CHST8: variants seen among roughly 807,000 people sequenced by gnomAD.
The protein encoded by CHST8 is carbohydrate sulfotransferase 8.
In CHST8, 10 loss-of-function variants were observed where a neutral mutation model predicts 15.0. That is an observed-to-expected ratio of 0.67 (90% CI 0.41 to 1.13). CHST8 has a LOEUF of 1.13. Ranked by LOEUF, CHST8 falls within the 50% of genes most tolerant of loss-of-function variation. The pLI is 0.00. For synonymous variants in CHST8, 259 were observed against 256.6 expected, an observed-to-expected ratio of 1.01 and a Z score of -0.09; for missense variants, 634 against 608.2, an observed-to-expected ratio of 1.04 and a Z score of -0.45.
At chr19:33,682,778 G>T (rs1418460032) in intron 2 of CHST8, among the ~76,000 whole-genome samples, 1 of 152,210 alleles carries the variant, frequency 6.6e-6, no homozygotes, top group Non-Finnish European at 1.5e-5. Flanking sequence ...TTTTGGGGGG[G>T]TTCCTAGCAT....
At chr19:33,645,818 A>G (rs1034720530) in intron 1 of CHST8, among the ~76,000 whole-genome samples, 1 of 152,182 alleles carries the variant, frequency 6.6e-6, no homozygotes, top group African/African-American at 2.4e-5. Flanking sequence ...GAGCAGGAGT[A>G]TTACAGCAGA....
At chr19:33,755,885 C>T (rs1053461907) in intron 3 of CHST8, among the ~76,000 whole-genome samples, 14 of 152,206 alleles carry the variant, frequency 9.2e-5, no homozygotes, top group African/African-American at 1.9e-4. Context: ...GCAAAGCTGG[C>T]GGGTCTAATT....
intron 3 of CHST8, among the ~76,000 whole-genome samples, chr19:33,751,836 C>T (rs1356499870): frequency 1.3e-5 from 2 of 152,240 alleles, no homozygotes; most frequent in Admixed American, 1.3e-4. Flanking sequence ...GGGATCATTT[C>T]TCTGTCCAGC....
chr19:33,763,072 T>C (rs1974769151), intron 3 of CHST8, among the ~76,000 whole-genome samples: 1 of 152,180 alleles, frequency 6.6e-6, no homozygotes, highest in Non-Finnish European at 1.5e-5. Flanking sequence ...TTTCACCACG[T>C]TGGCCAAGTT....
At chr19:33,726,413 T>C (rs113299722) in intron 3 of CHST8, among the ~76,000 whole-genome samples, 13 of 152,026 alleles carry the variant, frequency 8.6e-5, no homozygotes, top group African/African-American at 3.1e-4. Flanking sequence ...ATACAAAAAT[T>C]AGCATGGTGG....
intron 3 of CHST8, among the ~76,000 whole-genome samples, chr19:33,746,899 A>G (rs1974324736): frequency 6.6e-6 from 1 of 152,102 alleles, no homozygotes; most frequent in Non-Finnish European, 1.5e-5. Context: ...TTGAGTTAGC[A>G]TCCTGCCAAG....
At chr19:33,730,629 CAAGTGAAAGA>C (rs1288318919) in intron 3 of CHST8, among the ~76,000 whole-genome samples, 1 of 152,150 alleles carries the variant, frequency 6.6e-6, no homozygotes, top group African/African-American at 2.4e-5. Context: ...GCGAATTCAT[CAAGTGAAAGA>C]AAGTGTATTA....
chr19:33,643,394 C>CA (rs1972308545), intron 1 of CHST8, among the ~76,000 whole-genome samples: 1 of 152,190 alleles, frequency 6.6e-6, no homozygotes, highest in African/African-American at 2.4e-5. Context: ...ACAAATCTAC[C>CA]AGTTCTCTGC....
chr19:33,764,315 C>A (rs1000027547), intron 3 of CHST8, among the ~76,000 whole-genome samples: 7 of 152,084 alleles, frequency 4.6e-5, no homozygotes, highest in Non-Finnish European at 2.9e-5. Flanking sequence ...TGTTTCTTCA[C>A]CTCCTTCAGG....
intron 3 of CHST8, among the ~76,000 whole-genome samples, chr19:33,748,058 G>A (rs1399617527): frequency 2.0e-5 from 3 of 152,284 alleles, no homozygotes; most frequent in South Asian, 4.1e-4. Flanking sequence ...TGTCCACAGA[G>A]CTGTCCCGTC....
At chr19:33,646,126 TC>T (rs1160509586) in intron 1 of CHST8, among the ~76,000 whole-genome samples, 162 of 2,956 alleles carry the variant, frequency 0.055, 3 homozygotes, top group Admixed American at 0.33. Context: ...AGACTCTGTC[TC>T]AAAAAAAAAC....
chr19:33,713,511 C>T (rs977511935), intron 3 of CHST8, among the ~76,000 whole-genome samples: 2 of 152,058 alleles, frequency 1.3e-5, no homozygotes, highest in African/African-American at 4.8e-5. Flanking sequence ...TCAGGCAAAA[C>T]CTGAGTATTC....
intron 3 of CHST8, among the ~76,000 whole-genome samples, chr19:33,767,901 G>A (rs920502241): frequency 6.6e-6 from 1 of 152,120 alleles, no homozygotes; most frequent in Non-Finnish European, 1.5e-5. Flanking sequence ...TTTTATTTGG[G>A]GGCTTGAGAG....
chr19:33,679,882 C>T (rs906582839), intron 2 of CHST8, among the ~76,000 whole-genome samples: 3 of 152,210 alleles, frequency 2.0e-5, no homozygotes, highest in Non-Finnish European at 4.4e-5. Context: ...TCCTCAACTC[C>T]ACGAGGGGCT....
At chr19:33,721,103 A>G (rs773216058) in intron 3 of CHST8, among the ~76,000 whole-genome samples, 1 of 152,224 alleles carries the variant, frequency 6.6e-6, no homozygotes, top group Non-Finnish European at 1.5e-5. Flanking sequence ...TCACAAGGGA[A>G]TCGTTCATTG....
At chr19:33,709,421 T>G (rs544851544) in intron 3 of CHST8, among the ~76,000 whole-genome samples, 1 of 152,342 alleles carries the variant, frequency 6.6e-6, no homozygotes, top group African/African-American at 2.4e-5. Context: ...AAAAAAAAAT[T>G]TAACCATGAA....
chr19:33,755,736 T>C (rs1974532527), intron 3 of CHST8, among the ~76,000 whole-genome samples: 1 of 152,160 alleles, frequency 6.6e-6, no homozygotes, highest in African/African-American at 2.4e-5. Flanking sequence ...CGTGGTGGGC[T>C]CTCTTCGTCC....
At chr19:33,647,199 T>A (rs908075751) in intron 1 of CHST8, among the ~76,000 whole-genome samples, 5 of 152,220 alleles carry the variant, frequency 3.3e-5, no homozygotes, top group Admixed American at 3.3e-4. Context: ...GACCAATAAC[T>A]GAGAGCGGGA....
At chr19:33,734,040 C>A (rs1974039722) in intron 3 of CHST8, among the ~76,000 whole-genome samples, 1 of 152,248 alleles carries the variant, frequency 6.6e-6, no homozygotes, top group South Asian at 2.1e-4. Flanking sequence ...ACCTACTGGG[C>A]TGCATTCCCA....
Sources: allele counts gnomAD v4.1 joint callset (sites outside exome capture counted in the v4.1 genomes callset), GRCh38; gene constraint gnomAD v4.1.1; transcripts MANE v1.5; gene names NCBI Gene and HGNC (gene_info 2026-07-23, HGNC 2026-07-21).